The following RHBDD1 variants were observed in gnomAD, a reference collection of about 807,000 sequenced individuals.
RHBDD1 encodes rhomboid-related protein 4.
Under a neutral mutation model 36.3 loss-of-function variants are expected in RHBDD1, and 38 were observed. The observed-to-expected ratio is 1.05, with a 90% CI of 0.81 to 1.37. RHBDD1 has a LOEUF of 1.37. Among genes scored for constraint, RHBDD1 ranks in the 40% most tolerant of loss-of-function variants. RHBDD1 has a pLI of 0.00. For synonymous variants in RHBDD1, 151 were observed against 136.5 expected (o/e 1.11, Z -0.74); for missense variants, 393 against 377.6 (o/e 1.04, Z -0.34).
chr2:226,983,241 C>T (rs1038633476), intron 8 of RHBDD1, among the ~76,000 whole-genome samples: 3 of 152,078 alleles, frequency 2.0e-5, no homozygotes, highest in Non-Finnish European at 4.4e-5. Flanking sequence ...CATTAGAACC[C>T]TAGAATCTGC....
upstream of RHBDD1, among the ~76,000 whole-genome samples, chr2:226,834,161 T>C (rs1019227220): frequency 5.3e-5 from 8 of 152,224 alleles, no homozygotes; most frequent in Admixed American, 5.2e-4. Context: ...TGATGTATTA[T>C]ACGGACAAGA....
intron 8 of RHBDD1, among the ~76,000 whole-genome samples, chr2:226,952,709 G>C (rs1334095547): frequency 6.6e-6 from 1 of 152,196 alleles, no homozygotes; most frequent in Non-Finnish European, 1.5e-5. Flanking sequence ...GTATGAGGAA[G>C]ATAGCTTCTT....
chr2:226,954,668 AG>A (rs954340351), intron 8 of RHBDD1, among the ~76,000 whole-genome samples: 13 of 152,174 alleles, frequency 8.5e-5, no homozygotes, highest in African/African-American at 2.9e-4. Flanking sequence ...AGGGATAAAT[AG>A]GCAGATGGAT....
chr2:226,993,435 T>C (rs1432933444), intron 8 of RHBDD1, among the ~76,000 whole-genome samples: 1 of 152,214 alleles, frequency 6.6e-6, no homozygotes, highest in Non-Finnish European at 1.5e-5. Context: ...CCAGTCTTTT[T>C]AAAAACAACT....
intron 5 of RHBDD1, among the ~76,000 whole-genome samples, chr2:226,897,724 C>T (rs968085833): frequency 2.0e-5 from 3 of 152,132 alleles, no homozygotes; most frequent in African/African-American, 4.8e-5. Context: ...TTAATCCCAG[C>T]GCTTTGGGAG....
At chr2:226,924,898 G>A (rs903366062) in intron 8 of RHBDD1, among the ~76,000 whole-genome samples, 1 of 152,194 alleles carries the variant, frequency 6.6e-6, no homozygotes, top group Non-Finnish European at 1.5e-5. Flanking sequence ...GGCAATTCAA[G>A]ACTATCTTTC....
chr2:226,846,114 A>G (rs934445849), intron 3 of RHBDD1, among the ~76,000 whole-genome samples: 10 of 152,210 alleles, frequency 6.6e-5, no homozygotes, highest in African/African-American at 1.9e-4. Context: ...ATATACTCAC[A>G]GTGAATATTA....
chr2:226,967,973 C>G (rs907020256), intron 8 of RHBDD1, among the ~76,000 whole-genome samples: 1 of 152,178 alleles, frequency 6.6e-6, no homozygotes, highest in African/African-American at 2.4e-5. Context: ...CCATGACTCT[C>G]TTTTGCTAGT....
At chr2:226,923,062 A>T (rs1215774278) in intron 8 of RHBDD1, among the ~76,000 whole-genome samples, 1 of 152,196 alleles carries the variant, frequency 6.6e-6, no homozygotes, top group African/African-American at 2.4e-5. Flanking sequence ...TTTACACACC[A>T]CAATTACAGT....
intron 3 of RHBDD1, among the ~76,000 whole-genome samples, chr2:226,861,793 G>A (rs575912487): frequency 2.0e-5 from 3 of 152,198 alleles, no homozygotes; most frequent in Admixed American, 6.5e-5. Context: ...GTTACGGTAG[G>A]TAAAGAGTTG....
intron 3 of RHBDD1, among the ~76,000 whole-genome samples, chr2:226,859,913 G>C (rs1020137863): frequency 2.6e-5 from 4 of 152,224 alleles, no homozygotes; most frequent in Non-Finnish European, 4.4e-5. Flanking sequence ...AGGAGAAGCA[G>C]AGAATTCAGT....
intron 8 of RHBDD1, chr2:226,968,916 A>G (rs1952913463): frequency 6.7e-6 from 1 of 148,498 alleles, no homozygotes; most frequent in Non-Finnish European, 1.5e-5. Context: ...GAAGAAGATG[A>G]TATTTGAGGG....
intron 3 of RHBDD1, among the ~76,000 whole-genome samples, chr2:226,862,609 A>G (rs1039962313): frequency 1.3e-5 from 2 of 152,290 alleles, no homozygotes; most frequent in African/African-American, 4.8e-5. Context: ...TATCTCTTGC[A>G]TCTTTAGTCT....
chr2:226,979,252 G>A (rs1012847154), intron 8 of RHBDD1, among the ~76,000 whole-genome samples: 2 of 152,148 alleles, frequency 1.3e-5, no homozygotes, highest in Admixed American at 1.3e-4. Context: ...TTTCTCCTCA[G>A]TTCAGCTAAA....
At chr2:226,861,767 G>A (rs1943876278) in intron 3 of RHBDD1, among the ~76,000 whole-genome samples, 2 of 152,126 alleles carry the variant, frequency 1.3e-5, no homozygotes, top group African/African-American at 4.8e-5. Context: ...GATAAATTTA[G>A]GAGAATTACA....
chr2:226,906,803 G>T lies in RHBDD1; in HGVS notation c.577G>T (p.Ala193Ser), dbSNP rs533141868. The change falls in exon 6 of 9, where the codon GCT (alanine) becomes TCT (serine). Residue 193 changes from alanine to serine, a missense_variant. By Grantham distance (99) the Ala-to-Ser change is moderately conservative. Transcript: ENST00000392062. ...CTCCTTCCCTCCTAGGACTTCCTTC[G>T]CTGGGCATCTGGCTGGGATTCTTGT... ...IHLFSPGTSF[A>S]GHLAGILVGL... 1.9e-6 allele frequency: 3 copies of T among 1,613,944 alleles called. No homozygotes were observed. The highest frequency in any genetic ancestry group is 2.2e-5 in the East Asian group (1 of 44,882).
At chr2:226,843,190 C>T (rs545991499) in intron 3 of RHBDD1, among the ~76,000 whole-genome samples, 197 of 152,142 alleles carry the variant, frequency 1.3e-3, no homozygotes, top group Non-Finnish European at 2.2e-3. Context: ...ATGGGGTTTT[C>T]TAGATATAGG....
intron 5 of RHBDD1, among the ~76,000 whole-genome samples, chr2:226,880,511 G>GAGTC (rs1945633883): frequency 6.6e-6 from 1 of 152,076 alleles, no homozygotes; most frequent in Non-Finnish European, 1.5e-5. Context: ...GAGAAATTTT[G>GAGTC]AGCCAAGGGA....
At chr2:226,925,917 T>C (rs948665245) in intron 8 of RHBDD1, among the ~76,000 whole-genome samples, 6 of 152,100 alleles carry the variant, frequency 3.9e-5, no homozygotes, top group African/African-American at 1.4e-4. Flanking sequence ...TTTATTTGAA[T>C]GTAGAGTTTG....
Sources: gnomAD v4.1 joint callset for allele counts (sites outside exome capture counted in the v4.1 genomes callset) on GRCh38, gnomAD v4.1.1 for gene constraint, MANE v1.5 for transcripts, NCBI Gene and HGNC (gene_info 2026-07-23, HGNC 2026-07-21) for gene names.